The following LIPC variants were observed in gnomAD, a reference collection of about 807,000 sequenced individuals.
The protein encoded by LIPC is hepatic triacylglycerol lipase.
LIPC carries 44 observed loss-of-function variants against 50.7 expected under a neutral mutation model. The ratio of observed to expected loss-of-function variants is 0.87; its 90% CI spans 0.68 to 1.11. The LOEUF (loss-of-function observed/expected upper bound fraction) is 1.11, where lower values mean the gene tolerates loss of function less well. Among genes scored for constraint, LIPC ranks in the 50% most tolerant of loss-of-function variants. The pLI is 0.00. For synonymous variants in LIPC, 271 were observed against 256.4 expected, an observed-to-expected ratio of 1.06 and a Z score of -0.54; for missense variants, 697 against 648.2, an observed-to-expected ratio of 1.08 and a Z score of -0.82.
intron 1 of LIPC, among the ~76,000 whole-genome samples, chr15:58,531,243 T>G (rs1595924572): frequency 6.6e-6 from 1 of 152,322 alleles, no homozygotes; most frequent in East Asian, 1.9e-4. Flanking sequence ...GCACATTTTC[T>G]TGTACACATG....
Position 58,568,859 on chromosome 15 carries a change from T to C in LIPC, c.*32T>C. Reference sequence around the variant, plus strand: ...ATGAAGACCCAGTGTAAAGAATAAATGAATCTTACTCCTTATCTGGAATGG... The same window carrying C: ...ATGAAGACCCAGTGTAAAGAATAAACGAATCTTACTCCTTATCTGGAATGG... On this transcript the variant is annotated 3_prime_UTR_variant, in exon 9 of 9. Coordinates refer to ENST00000299022, the MANE Select transcript of LIPC (RefSeq NM_000236.3). 7.9e-7 allele frequency: 1 copy of C among 1,265,790 alleles called. No homozygotes were observed. Among genetic ancestry groups the C allele is most frequent in the South Asian group, 1.3e-5 (1 of 78,882 alleles). 78.4% of individuals were successfully genotyped at this position (1,265,790 alleles called of 1,614,324 possible).
chr15:58,452,327 G>A (rs990376710), intron 1 of LIPC, among the ~76,000 whole-genome samples: 1 of 152,182 alleles, frequency 6.6e-6, no homozygotes, highest in Non-Finnish European at 1.5e-5. Flanking sequence ...GTTTGAGAAC[G>A]TCTGCCTATA....
At chr15:58,522,275 C>G (rs1191974731) in intron 1 of LIPC, 1 of 153,526 alleles carries the variant, frequency 6.5e-6, no homozygotes, top group Non-Finnish European at 1.5e-5. Flanking sequence ...GGACGAGCCA[C>G]CTCCCTGGCT....
At chr15:58,510,584 C>G (rs1308285617) in intron 1 of LIPC, among the ~76,000 whole-genome samples, 2 of 152,230 alleles carry the variant, frequency 1.3e-5, no homozygotes, top group African/African-American at 4.8e-5. Flanking sequence ...GATTGCCCAT[C>G]AGGCTCTAAG....
At chr15:58,518,004 T>A (rs1892535603) in intron 1 of LIPC, among the ~76,000 whole-genome samples, 1 of 152,250 alleles carries the variant, frequency 6.6e-6, no homozygotes, top group South Asian at 2.1e-4. Flanking sequence ...GTGTCTGCTC[T>A]CTTACTATAT....
intron 1 of LIPC, among the ~76,000 whole-genome samples, chr15:58,519,410 CAAAAAAAA>C (rs11432168): frequency 3.0e-5 from 4 of 131,882 alleles, no homozygotes; most frequent in Non-Finnish European, 6.3e-5. Flanking sequence ...GACTCTGTCT[CAAAAAAAA>C]AAAAAAGAAA....
chr15:58,533,130 C>T, intron 1 of LIPC: 1 of 983,320 alleles, frequency 1.0e-6, no homozygotes, highest in Non-Finnish European at 1.2e-6. Flanking sequence ...TCCCCAGATT[C>T]TTATCACTGG....
At chr15:58,518,957 A>AAAAAG (rs1159044435) in intron 1 of LIPC, among the ~76,000 whole-genome samples, 1 of 152,086 alleles carries the variant, frequency 6.6e-6, no homozygotes, top group African/African-American at 2.4e-5. Flanking sequence ...AAAAAGAAAG[A>AAAAAG]AAAAGAAAAG....
intron 1 of LIPC, among the ~76,000 whole-genome samples, chr15:58,523,669 A>C (rs2140879476): frequency 6.6e-6 from 1 of 152,278 alleles, no homozygotes; most frequent in African/African-American, 2.4e-5. Flanking sequence ...CTATAATCCC[A>C]ACACTTTGGG....
intron 1 of LIPC, among the ~76,000 whole-genome samples, chr15:58,451,262 C>A (rs925806996): frequency 9.2e-5 from 14 of 152,158 alleles, no homozygotes; most frequent in African/African-American, 3.4e-4. Flanking sequence ...ACGAAAAAGG[C>A]AGGTAAGTAA....
chr15:58,493,470 AAT>A (rs139543896), intron 1 of LIPC, among the ~76,000 whole-genome samples: 3,107 of 93,518 alleles, frequency 0.033, 59 homozygotes, highest in Middle Eastern at 0.075. Context: ...CACAATTTAA[AAT>A]ATATATATAT....
intron 1 of LIPC, among the ~76,000 whole-genome samples, chr15:58,514,346 G>A (rs536882925): frequency 3.2e-4 from 49 of 152,230 alleles, no homozygotes; most frequent in Non-Finnish European, 5.4e-4. Flanking sequence ...AGTACCAGTA[G>A]TACCAGTAGT....
intron 8 of LIPC, chr15:58,565,674 G>A: frequency 1.2e-5 from 12 of 1,013,140 alleles, no homozygotes; most frequent in Non-Finnish European, 1.4e-5. Context: ...CCCATTTGTT[G>A]GGGGTGTGCT....
Position 58,550,280 on chromosome 15 carries a change from T to C in LIPC, c.1051+1708T>C, listed in dbSNP as rs79086243. Among the ~76,000 whole-genome samples the C allele has an allele frequency of 7.6e-3, 1,155 of 152,270 alleles. 8 individuals carry two copies. The highest frequency in any genetic ancestry group is 0.025 in the African/African-American group (1,050 of 41,550). ...AATCACCTGGGAAGAAAAGAGGTCA[T>C]TTTTCATCTTCCAGGGCTAAACTGG... On this transcript the variant is annotated intron_variant, in intron 6 of 8. Coordinates refer to ENST00000299022, the MANE Select transcript of LIPC (RefSeq NM_000236.3).
chr15:58,539,564 C>A (rs533007747), intron 2 of LIPC, among the ~76,000 whole-genome samples: 5 of 152,130 alleles, frequency 3.3e-5, no homozygotes, highest in African/African-American at 9.7e-5. Flanking sequence ...CAATTTGAAC[C>A]CTCCAGAGAT....
chr15:58,516,497 C>T (rs1439669803), intron 1 of LIPC, among the ~76,000 whole-genome samples: 2 of 152,056 alleles, frequency 1.3e-5, no homozygotes, highest in African/African-American at 4.8e-5. Flanking sequence ...CGACAGCTCC[C>T]TGATGTTCTG....
chr15:58,475,509 C>T (rs1192840799), intron 1 of LIPC, among the ~76,000 whole-genome samples: 1 of 152,176 alleles, frequency 6.6e-6, no homozygotes, highest in Non-Finnish European at 1.5e-5. Context: ...CTATTACCTT[C>T]TCTCCATCAG....
intron 1 of LIPC, among the ~76,000 whole-genome samples, chr15:58,463,710 C>T (rs1490585632): frequency 2.0e-5 from 3 of 152,174 alleles, no homozygotes; most frequent in South Asian, 2.1e-4. Flanking sequence ...CCCTGTTTCT[C>T]GGCGACCTAG....
At chr15:58,453,750 A>T (rs1048454860) in intron 1 of LIPC, among the ~76,000 whole-genome samples, 7 of 151,994 alleles carry the variant, frequency 4.6e-5, no homozygotes, top group Non-Finnish European at 1.0e-4. Flanking sequence ...AGTAAAAAAA[A>T]ATCAGCCAGG....
Sources: gnomAD v4.1 joint callset for allele counts (sites outside exome capture counted in the v4.1 genomes callset) on GRCh38, gnomAD v4.1.1 for gene constraint, MANE v1.5 for transcripts, NCBI Gene and HGNC (gene_info 2026-07-23, HGNC 2026-07-21) for gene names.